TMEM132B: variants seen among roughly 807,000 people sequenced by gnomAD.
TMEM132B encodes transmembrane protein 132B.
Under a neutral mutation model 90.8 loss-of-function variants are expected in TMEM132B, and 18 were observed. That is an observed-to-expected ratio of 0.20 (90% CI 0.14 to 0.29). The LOEUF is 0.29. Among genes scored for constraint, TMEM132B ranks in the 10% least tolerant of loss-of-function variants. The pLI is 1.00. For synonymous variants in TMEM132B, 504 were observed against 523.3 expected (o/e 0.96, Z 0.50); for missense variants, 1,096 against 1,326.8 (o/e 0.83, Z 2.70).
chr12:125,283,692 G>A (rs1036828451), intron 1 of TMEM132B, among the ~76,000 whole-genome samples: 34 of 152,344 alleles, frequency 2.2e-4, no homozygotes, highest in African/African-American at 7.7e-4. Flanking sequence ...CAGCTGTCCT[G>A]TAATGCGTCT....
chr12:125,317,939 A>G (rs767687199), intron 1 of TMEM132B, among the ~76,000 whole-genome samples: 25 of 152,218 alleles, frequency 1.6e-4, no homozygotes, highest in Non-Finnish European at 1.6e-4. Flanking sequence ...TAATCACAGA[A>G]GCTTGGAACC....
intron 1 of TMEM132B, among the ~76,000 whole-genome samples, chr12:125,317,048 C>T (rs533349927): frequency 6.6e-6 from 1 of 152,144 alleles, no homozygotes; most frequent in Non-Finnish European, 1.5e-5. Flanking sequence ...GGGGGGCTCC[C>T]GATCAAAGGA....
chr12:125,252,728 C>A (rs1304416917), intron 1 of TMEM132B, among the ~76,000 whole-genome samples: 1 of 152,174 alleles, frequency 6.6e-6, no homozygotes, highest in Non-Finnish European at 1.5e-5. Context: ...GTCCCTGCCC[C>A]ATGACCAAGG....
chr12:125,610,079 G>T (rs1275185375), intron 5 of TMEM132B, among the ~76,000 whole-genome samples: 1 of 151,000 alleles, frequency 6.6e-6, no homozygotes, highest in Non-Finnish European at 1.5e-5. Context: ...TTTGTATATT[G>T]ATCTTGTATC....
chr12:125,634,343 C>G (rs1294302757), intron 5 of TMEM132B, among the ~76,000 whole-genome samples: 1 of 152,148 alleles, frequency 6.6e-6, no homozygotes, highest in Non-Finnish European at 1.5e-5. Flanking sequence ...CCCTCTGGCC[C>G]AAAGCAGGCC....
chr12:125,430,052 A>G (rs952933335), intron 3 of TMEM132B, among the ~76,000 whole-genome samples: 10 of 152,228 alleles, frequency 6.6e-5, no homozygotes, highest in Non-Finnish European at 1.3e-4. Flanking sequence ...TCTGGGAGTG[A>G]AGGGACTGTG....
chr12:125,313,387 T>C (rs2136179955), intron 1 of TMEM132B, among the ~76,000 whole-genome samples: 1 of 152,202 alleles, frequency 6.6e-6, no homozygotes, highest in African/African-American at 2.4e-5. Flanking sequence ...TGATGCCTCC[T>C]TGCTCTTTAA....
chr12:125,597,892 G>T (rs1292837487), intron 5 of TMEM132B, among the ~76,000 whole-genome samples: 2 of 152,116 alleles, frequency 1.3e-5, no homozygotes, highest in African/African-American at 2.4e-5. Flanking sequence ...CTTGAGTCCA[G>T]GTTCACTTTA....
chr12:125,283,086 G>T (rs1054337894), intron 1 of TMEM132B, among the ~76,000 whole-genome samples: 1 of 152,126 alleles, frequency 6.6e-6, no homozygotes, highest in African/African-American at 2.4e-5. Flanking sequence ...AGCTGTGTTC[G>T]CGCACAACTG....
At chr12:125,255,472 C>A (rs1178934616) in intron 1 of TMEM132B, among the ~76,000 whole-genome samples, 19 of 152,176 alleles carry the variant, frequency 1.2e-4, no homozygotes, top group Admixed American at 1.2e-3. Flanking sequence ...GCAGACTTTC[C>A]TAATGAAATG....
At chr12:125,377,668 A>G (rs1326046037) in intron 2 of TMEM132B, among the ~76,000 whole-genome samples, 1 of 152,268 alleles carries the variant, frequency 6.6e-6, no homozygotes, top group South Asian at 2.1e-4. Context: ...TCCACTATAT[A>G]GTTCTGATCT....
rs969943964 is a variant in TMEM132B at position 125,657,957 on chromosome 12, A to G, written c.*3247A>G. On this transcript the variant is annotated 3_prime_UTR_variant, in exon 9 of 9. Transcript: ENST00000682704. ...GCACAGGAATCAAGAAGCAGCTGCC[A>G]CACCAAAGAACTGATGCTTAAACAC... 2 of 152,320 alleles carry G rather than the reference A, an allele frequency of 1.3e-5. No individual in the cohort carries two copies. Among genetic ancestry groups the G allele is most frequent in the African/African-American group, 2.4e-5 (1 of 41,456 alleles). The allele number at this position is 152,320 out of a possible 1,614,324, so 9.4% of individuals were successfully genotyped here.
At chr12:125,553,244 C>T (rs1223773970) in intron 4 of TMEM132B, among the ~76,000 whole-genome samples, 1 of 152,196 alleles carries the variant, frequency 6.6e-6, no homozygotes, top group African/African-American at 2.4e-5. Flanking sequence ...TGGCCCAGAA[C>T]AGTCATTCAT....
intron 4 of TMEM132B, among the ~76,000 whole-genome samples, chr12:125,569,592 C>G (rs908367473): frequency 3.3e-5 from 5 of 152,076 alleles, no homozygotes; most frequent in Non-Finnish European, 5.9e-5. Flanking sequence ...ATTTTTAGAG[C>G]TCTTGGTTAA....
At chr12:125,279,691 T>C (rs1875105565) in intron 1 of TMEM132B, among the ~76,000 whole-genome samples, 1 of 152,152 alleles carries the variant, frequency 6.6e-6, no homozygotes, top group South Asian at 2.1e-4. Context: ...CTGTTGTATA[T>C]CTTTTTGCTG....
At chr12:125,521,432 A>C (rs906449851) in intron 4 of TMEM132B, among the ~76,000 whole-genome samples, 1 of 152,236 alleles carries the variant, frequency 6.6e-6, no homozygotes, top group Non-Finnish European at 1.5e-5. Context: ...CATAATGTAC[A>C]AAAAATGGGC....
At chr12:125,305,349 C>T (rs898775788) in intron 1 of TMEM132B, among the ~76,000 whole-genome samples, 4 of 151,020 alleles carry the variant, frequency 2.6e-5, no homozygotes, top group East Asian at 1.9e-4. Context: ...AGCCGGAGCT[C>T]GTAACTAAAG....
At chr12:125,333,268 G>A (rs528264098) in intron 1 of TMEM132B, among the ~76,000 whole-genome samples, 3 of 152,256 alleles carry the variant, frequency 2.0e-5, no homozygotes, top group South Asian at 4.2e-4. Flanking sequence ...TGGTTTTAGG[G>A]TGGGTGTCAT....
intron 3 of TMEM132B, among the ~76,000 whole-genome samples, chr12:125,427,995 T>A (rs1842543332): frequency 3.6e-5 from 1 of 28,046 alleles, no homozygotes; most frequent in Admixed American, 6.3e-4. Flanking sequence ...TAATGGAAAG[T>A]ACTTTTTTTT....
Sources: allele counts gnomAD v4.1 joint callset (sites outside exome capture counted in the v4.1 genomes callset), GRCh38; gene constraint gnomAD v4.1.1; transcripts MANE v1.5; gene names NCBI Gene and HGNC (gene_info 2026-07-23, HGNC 2026-07-21).